Variants in SYCE2 observed in about 807,000 individuals in gnomAD.
SYCE2 encodes the protein synaptonemal complex central element protein 2.
SYCE2 carries 3 observed loss-of-function variants against 27.9 expected under a neutral mutation model. The observed-to-expected ratio is 0.11, with a 90% CI of 0.05 to 0.28. The LOEUF is 0.28. Among genes scored for constraint, SYCE2 ranks in the 10% least tolerant of loss-of-function variants. SYCE2 has a pLI of 1.00. For missense variants in SYCE2, 207 were observed against 263.5 expected, an observed-to-expected ratio of 0.79 and a Z score of 1.48; for synonymous variants, 85 against 100.7, an observed-to-expected ratio of 0.84 and a Z score of 0.93.
intron 2 of SYCE2, among the ~76,000 whole-genome samples, chr19:12,908,160 C>T (rs892530653): frequency 1.3e-5 from 2 of 151,888 alleles, no homozygotes. Context: ...AACAAAACAA[C>T]CACAACACAC....
intron 1 of SYCE2, 34 bp downstream of exon 1, chr19:12,919,208 GC>G: frequency 6.2e-7 from 1 of 1,609,268 alleles, no homozygotes; most frequent in Non-Finnish European, 8.5e-7. Context: ...CTGTCCGCCC[GC>G]CCCACGCGCG....
chr19:12,910,966 C>G (rs1026018034), intron 2 of SYCE2, among the ~76,000 whole-genome samples: 8 of 151,898 alleles, frequency 5.3e-5, no homozygotes, highest in Non-Finnish European at 8.8e-5. Flanking sequence ...CGTGAGCCAC[C>G]GCACCCGGCC....
intron 2 of SYCE2, among the ~76,000 whole-genome samples, chr19:12,916,244 T>A (rs1319007614): frequency 6.6e-6 from 1 of 151,976 alleles, no homozygotes; most frequent in East Asian, 1.9e-4. Context: ...TAATTTTTTG[T>A]ATTTTTAGTA....
rs1971056923 is a variant in SYCE2 at position 12,912,042 on chromosome 19, A to AT, written c.131+6179dup. Among the ~76,000 whole-genome samples the AT allele has an allele frequency of 2.0e-5, 3 of 148,304 alleles. No individual in the cohort carries two copies. The South Asian group carries it at 6.2e-4, about 31-fold the overall frequency. ...AACCTCTGCCTCCCGGGTTCAAGCA[A>AT]TTCTCCTGCCTCAGCTTCCCAAGTA... On this transcript the variant is annotated intron_variant, in intron 2 of 5. Transcript: ENST00000293695.
At chr19:12,907,261 TGGA>T (rs971226750) in intron 2 of SYCE2, among the ~76,000 whole-genome samples, 9 of 152,166 alleles carry the variant, frequency 5.9e-5, no homozygotes, top group Non-Finnish European at 1.2e-4. Flanking sequence ...CTTCTCAAGG[TGGA>T]GGACAGTCTG....
intron 2 of SYCE2, among the ~76,000 whole-genome samples, chr19:12,905,907 C>A (rs941133369): frequency 6.6e-6 from 1 of 152,182 alleles, no homozygotes; most frequent in Non-Finnish European, 1.5e-5. Flanking sequence ...TGAGCCACTG[C>A]GCCTGACTGA....
intron 2 of SYCE2, 193 bp from the exon 3 acceptor site, chr19:12,904,859 G>T (rs942136366): frequency 1.3e-5 from 7 of 530,786 alleles, no homozygotes; most frequent in Admixed American, 3.3e-5. Flanking sequence ...CAAAAAATTA[G>T]CCAGGCACGG....
At chr19:12,918,120 A>G (rs950892982) in intron 2 of SYCE2, 102 bp downstream of exon 2, 191 of 920,776 alleles carry the variant, frequency 2.1e-4, no homozygotes, top group Admixed American at 8.9e-4. Flanking sequence ...GTTAGGAGGG[A>G]AAAAAAAAGC....
chr19:12,914,330 A>G (rs1477979561), intron 2 of SYCE2: 1 of 152,194 alleles, frequency 6.6e-6, no homozygotes, highest in Non-Finnish European at 1.5e-5. Context: ...GCCTCCCACC[A>G]TTAGCCAATT....
rs1195824990 is a variant in SYCE2 at position 12,899,305 on chromosome 19, G to C, written c.*36C>G. On this transcript the variant is annotated 3_prime_UTR_variant, in exon 6 of 6. Coordinates refer to ENST00000293695, the MANE Select transcript of SYCE2 (RefSeq NM_001105578.2). ...ATGGTGGCCTCACAGTCTTCTCCTGGAGACTGTCACTAAGGCGTGAGTCTC... is the reference window on the plus strand; with the variant it reads ...ATGGTGGCCTCACAGTCTTCTCCTGCAGACTGTCACTAAGGCGTGAGTCTC... 3 of 1,570,756 alleles carry C rather than the reference G, an allele frequency of 1.9e-6. No homozygotes were observed. The South Asian group carries it at 3.3e-5, about 17-fold the overall frequency.
intron 2 of SYCE2, among the ~76,000 whole-genome samples, chr19:12,913,181 A>G (rs986587653): frequency 2.6e-5 from 4 of 152,206 alleles, no homozygotes; most frequent in Admixed American, 6.5e-5. Context: ...GCGTTCATCT[A>G]TTATGGTCTG....
At chr19:12,905,489 G>A (rs1026528624) in intron 2 of SYCE2, among the ~76,000 whole-genome samples, 2 of 151,824 alleles carry the variant, frequency 1.3e-5, no homozygotes, top group East Asian at 2.0e-4. Flanking sequence ...CCGCCACCAC[G>A]TCCAGCTAAT....
Position 12,904,797 on chromosome 19 carries a change from G to A in SYCE2, c.132-131C>T, listed in dbSNP as rs879420552. The A allele has an allele frequency of 2.9e-5, 30 of 1,018,730 alleles. No individual in the cohort carries two copies. In the African/African-American group the frequency reaches 3.4e-4, roughly 12 times the overall value. The allele number at this position is 1,018,730 out of a possible 1,614,324, so 63.1% of individuals were successfully genotyped here. On this transcript the variant is annotated intron_variant, in intron 2 of 5. Transcript: ENST00000293695. ...GGGCGGATCACAAGGTCAGGAGTTC[G>A]AGACCAGCCTGGCAACATGGTGAAA...
At position 12,918,350 on chromosome 19, in the gene SYCE2, T is replaced by A. The variant is rs756945502; in HGVS notation, c.16-13A>T. On this transcript the variant is annotated splice_polypyrimidine_tract_variant and intron_variant, in intron 1 of 5. Coordinates refer to ENST00000293695, the MANE Select transcript of SYCE2 (RefSeq NM_001105578.2). Reference sequence around the variant, plus strand: ...GGGGCACGTCCACCTGCAAGCACAGTCAGGACGGAGGCCAAGGAGGGAGGA... The same window carrying A: ...GGGGCACGTCCACCTGCAAGCACAGACAGGACGGAGGCCAAGGAGGGAGGA... 6.2e-6 allele frequency: 10 copies of A among 1,612,734 alleles called. No homozygotes were observed. Among genetic ancestry groups the A allele is most frequent in the South Asian group, 1.1e-5 (1 of 91,050 alleles).
intron 2 of SYCE2, among the ~76,000 whole-genome samples, chr19:12,917,065 CTTTT>C (rs774437768): frequency 2.3e-5 from 3 of 128,512 alleles, no homozygotes; most frequent in African/African-American, 2.9e-5. Context: ...TATATATATA[CTTTT>C]TTTTTTTTTT....
chr19:12,909,226 G>A (rs1276500928), intron 2 of SYCE2, among the ~76,000 whole-genome samples: 1 of 152,062 alleles, frequency 6.6e-6, no homozygotes, highest in African/African-American at 2.4e-5. Flanking sequence ...AATGACTTGC[G>A]AGTACTATCC....
chr19:12,918,415 C>T (rs1971178150), intron 1 of SYCE2, 78 bp from the exon 2 acceptor site: 1 of 1,341,662 alleles, frequency 7.5e-7, no homozygotes. Context: ...ACCCTTCAAC[C>T]CTGGTCACCT....
At chr19:12,918,090 G>A (rs1971168448) in intron 2 of SYCE2, 132 bp downstream of exon 2, 3 of 701,944 alleles carry the variant, frequency 4.3e-6, no homozygotes, top group South Asian at 3.6e-5. Context: ...CCACTGCGTG[G>A]TGACAAAGCA....
At chr19:12,918,177 G>C in intron 2 of SYCE2, 45 bp downstream of exon 2, 1 of 1,511,204 alleles carries the variant, frequency 6.6e-7, no homozygotes, top group Non-Finnish European at 9.2e-7. Context: ...GAATGAGAGG[G>C]ACCCAGGGGC....
Sources: allele counts gnomAD v4.1 joint callset (sites outside exome capture counted in the v4.1 genomes callset), GRCh38; gene constraint gnomAD v4.1.1; transcripts MANE v1.5; gene names NCBI Gene and HGNC (gene_info 2026-07-23, HGNC 2026-07-21).